The following SCHIP1 variants were observed in gnomAD, a reference collection of about 807,000 sequenced individuals.
SCHIP1 encodes the protein schwannomin interacting protein 1.
In SCHIP1, 8 loss-of-function variants were observed where a neutral mutation model predicts 29.7. That is an observed-to-expected ratio of 0.27 (90% confidence interval 0.16 to 0.49). The LOEUF (loss-of-function observed/expected upper bound fraction) is 0.49, where lower values mean the gene tolerates loss of function less well. SCHIP1 is among the 20% of genes least tolerant of loss of function. The pLI is 0.99. For missense variants in SCHIP1, 193 were observed against 294.6 expected, an observed-to-expected ratio of 0.66 and a Z score of 2.52; for synonymous variants, 76 against 94.9, an observed-to-expected ratio of 0.80 and a Z score of 1.16.
chr3:159,547,397 G>A, the SCHIP1 span, among the ~76,000 whole-genome samples: 2 of 152,138 alleles, frequency 1.3e-5, no homozygotes, highest in Non-Finnish European at 2.9e-5. Flanking sequence ...TTCTTTTGCT[G>A]TGCAGAAGCT....
At chr3:159,775,143 A>T in the SCHIP1 span, among the ~76,000 whole-genome samples, 1 of 152,206 alleles carries the variant, frequency 6.6e-6, no homozygotes, top group Non-Finnish European at 1.5e-5. Context: ...AGAGGGTTTT[A>T]TTGCCCATGT....
chr3:159,425,272 T>G, the SCHIP1 span, among the ~76,000 whole-genome samples: 3 of 152,156 alleles, frequency 2.0e-5, no homozygotes, highest in Admixed American at 6.5e-5. Flanking sequence ...TCAAGACCCA[T>G]CAATGTGCTG....
the SCHIP1 span, among the ~76,000 whole-genome samples, chr3:159,515,556 G>A: frequency 6.6e-6 from 1 of 152,150 alleles, no homozygotes. Flanking sequence ...AAAATATATA[G>A]ATTGCTTGCC....
At chr3:159,518,267 T>G in the SCHIP1 span, among the ~76,000 whole-genome samples, 1 of 151,962 alleles carries the variant, frequency 6.6e-6, no homozygotes, top group Non-Finnish European at 1.5e-5. Flanking sequence ...TGAGACACAG[T>G]GAATTTAGAA....
chr3:159,587,294 T>C, the SCHIP1 span, among the ~76,000 whole-genome samples: 1 of 152,156 alleles, frequency 6.6e-6, no homozygotes, highest in African/African-American at 2.4e-5. Flanking sequence ...TAAACGAAAG[T>C]ATCTTTATTA....
At chr3:159,443,122 T>C in the SCHIP1 span, among the ~76,000 whole-genome samples, 1 of 152,218 alleles carries the variant, frequency 6.6e-6, no homozygotes, top group Non-Finnish European at 1.5e-5. Context: ...CACCTCTAGT[T>C]TGAAAATATT....
the SCHIP1 span, among the ~76,000 whole-genome samples, chr3:159,482,130 A>G: frequency 2.0e-5 from 3 of 152,240 alleles, no homozygotes; most frequent in East Asian, 5.8e-4. Flanking sequence ...CATATCACGT[A>G]TTTCATCTTG....
the SCHIP1 span, among the ~76,000 whole-genome samples, chr3:159,545,041 C>T: frequency 6.6e-6 from 1 of 152,064 alleles, no homozygotes; most frequent in Admixed American, 6.6e-5. Flanking sequence ...TGATCAAGAG[C>T]CATGTTTCCC....
the SCHIP1 span, among the ~76,000 whole-genome samples, chr3:159,579,121 G>A: frequency 6.6e-5 from 10 of 152,022 alleles, no homozygotes; most frequent in Admixed American, 4.6e-4. Flanking sequence ...TTTGAGTATC[G>A]CAATGCAAAT....
the SCHIP1 span, among the ~76,000 whole-genome samples, chr3:159,318,335 C>G: frequency 2.0e-5 from 3 of 152,216 alleles, no homozygotes; most frequent in African/African-American, 7.2e-5. Context: ...TCCAACCATG[C>G]TTCTTCCAAG....
At chr3:159,395,111 T>G in the SCHIP1 span, among the ~76,000 whole-genome samples, 1 of 152,126 alleles carries the variant, frequency 6.6e-6, no homozygotes. Flanking sequence ...ATAGAGGTGT[T>G]TGTTTGTAGT....
chr3:159,444,891 G>C, the SCHIP1 span, among the ~76,000 whole-genome samples: 1 of 152,200 alleles, frequency 6.6e-6, no homozygotes, highest in South Asian at 2.1e-4. Context: ...CTGATGTTGA[G>C]GGAGTGAAGG....
At chr3:159,599,965 G>A in the SCHIP1 span, among the ~76,000 whole-genome samples, 144 of 152,268 alleles carry the variant, frequency 9.5e-4, 1 homozygote, top group Middle Eastern at 3.4e-3. Flanking sequence ...CTTCATTTAT[G>A]AAGGATAATT....
the SCHIP1 span, chr3:159,764,397 G>A: frequency 6.6e-7 from 1 of 1,517,768 alleles, no homozygotes; most frequent in Non-Finnish European, 8.8e-7. This position sits in a 1 kb window ranked among gnomAD's most constrained non-coding sequence, Gnocchi z 6.1. Flanking sequence ...GCGGGAGGCT[G>A]GAGCAGGCTT....
At chr3:159,763,304 G>A in the SCHIP1 span, among the ~76,000 whole-genome samples, 5 of 151,988 alleles carry the variant, frequency 3.3e-5, no homozygotes, top group Admixed American at 2.0e-4. Flanking sequence ...TGTGAGGGGA[G>A]GGAGGTCCTT....
the SCHIP1 span, among the ~76,000 whole-genome samples, chr3:159,503,659 G>C: frequency 7.2e-5 from 11 of 152,214 alleles, no homozygotes; most frequent in African/African-American, 2.4e-4. Flanking sequence ...TGGCTCTCAG[G>C]TAAAAAGGAT....
At chr3:159,345,546 GTCTCTCTT>G in the SCHIP1 span, among the ~76,000 whole-genome samples, 1,406 of 132,838 alleles carry the variant, frequency 0.011, 26 homozygotes, top group African/African-American at 0.044. Flanking sequence ...TTACAGCAGT[GTCTCTCTT>G]TCTCTCTCTC....
chr3:159,294,339 T>C, the SCHIP1 span, among the ~76,000 whole-genome samples: 5 of 152,338 alleles, frequency 3.3e-5, no homozygotes, highest in East Asian at 1.9e-4. Context: ...CAAATACTAA[T>C]ATAATCAAGT....
chr3:159,459,174 A>C, the SCHIP1 span, among the ~76,000 whole-genome samples: 1 of 152,152 alleles, frequency 6.6e-6, no homozygotes, highest in South Asian at 2.1e-4. Flanking sequence ...TTTGCTGTTC[A>C]CTCACATTCT....
Sources: gnomAD v4.1 joint callset for allele counts (sites outside exome capture counted in the v4.1 genomes callset) on GRCh38, gnomAD v4.1.1 for gene constraint, Gnocchi (gnomAD v3.1) non-coding constraint, MANE v1.5 for transcripts, NCBI Gene and HGNC (gene_info 2026-07-23, HGNC 2026-07-21) for gene names.